FAS: variants seen among roughly 807,000 people sequenced by gnomAD.
FAS encodes tumor necrosis factor receptor superfamily member 6.
FAS carries 5 observed loss-of-function variants against 33.2 expected under a neutral mutation model. The observed-to-expected ratio is 0.15, with a 90% confidence interval of 0.08 to 0.32. The LOEUF (loss-of-function observed/expected upper bound fraction) is 0.32, where lower values mean the gene tolerates loss of function less well. FAS is among the 10% of genes least tolerant of loss of function. The probability of loss-of-function intolerance (pLI) is 1.00; values close to 1 mark genes in which losing one functional copy is unlikely to be tolerated. For synonymous variants in FAS, 131 were observed against 130.7 expected (o/e 1.00, Z -0.01); for missense variants, 339 against 386.0 (o/e 0.88, Z 1.02).
upstream of FAS, among the ~76,000 whole-genome samples, chr10:88,983,638 AACAC>A (rs755182708): frequency 0.067 from 6,889 of 102,434 alleles, 274 homozygotes; most frequent in Non-Finnish European, 0.092. Flanking sequence ...AAAAAAAAAA[AACAC>A]ACACACACAC....
upstream of FAS, among the ~76,000 whole-genome samples, chr10:88,987,607 G>A (rs1846942264): frequency 6.6e-6 from 1 of 152,170 alleles, no homozygotes; most frequent in Non-Finnish European, 1.5e-5. Flanking sequence ...AAAAGAAAGG[G>A]TTTGTGTCCC....
intron 1 of FAS, among the ~76,000 whole-genome samples, chr10:88,972,090 G>A (rs1287805191): frequency 6.6e-6 from 1 of 151,828 alleles, no homozygotes. Context: ...TGTATTTTTA[G>A]TAGAGACAGG....
At chr10:89,003,468 A>T (rs1196862304) in intron 2 of FAS, among the ~76,000 whole-genome samples, 3 of 152,226 alleles carry the variant, frequency 2.0e-5, no homozygotes, top group Non-Finnish European at 4.4e-5. Flanking sequence ...TTTCTAAGCA[A>T]AAATGACTCA....
At chr10:88,974,161 T>C (rs1846512037) in intron 2 of FAS, 1 of 152,028 alleles carries the variant, frequency 6.6e-6, no homozygotes, top group Non-Finnish European at 1.5e-5. Flanking sequence ...TCTTAAATTT[T>C]AAAACTAGAA....
At chr10:89,007,966 G>A in intron 3 of FAS, 129 bp downstream of exon 3, 1 of 1,434,640 alleles carries the variant, frequency 7.0e-7, no homozygotes, top group Non-Finnish European at 9.7e-7. Context: ...AGGACAGGTG[G>A]CTAGGGTACC....
Position 88,980,065 on chromosome 10 carries a change from A to T in FAS, n.260+6718A>T, listed in dbSNP as rs115990341. On this transcript the variant is annotated intron_variant and non_coding_transcript_variant, in intron 2 of 3. Transcript: ENST00000688239. ...CGAAAGATAAAGTGGACTTCTTTCC[A>T]CTTGAAATTTTATTTCATTTATTAA... is the stretch of plus-strand genomic sequence containing the variant. Among the ~76,000 whole-genome samples, 654 of 152,356 alleles carry T rather than the reference A, an allele frequency of 4.3e-3. 4 individuals are homozygous for T. The highest frequency in any genetic ancestry group is 0.015 in the African/African-American group (624 of 41,578).
rs151107760 is a variant in FAS at position 88,976,361 on chromosome 10, A to C, written n.260+3014A>C. The stretch of plus-strand genomic sequence containing the variant: ...AACATATAATTAATATATTGATATT[A>C]TCACAAATGCCAGAGTAAACAAGGG... On this transcript the variant is annotated intron_variant and non_coding_transcript_variant, in intron 2 of 3. Transcript: ENST00000688239. Among the ~76,000 whole-genome samples the C allele has an allele frequency of 2.5e-3, 377 of 152,338 alleles. 1 individual carries two copies. Among genetic ancestry groups the C allele is most frequent in the Admixed American group, 4.6e-3 (70 of 15,302 alleles).
At chr10:88,964,817 G>T (rs1199769845) in intron 1 of FAS, among the ~76,000 whole-genome samples, 1 of 152,104 alleles carries the variant, frequency 6.6e-6, no homozygotes, top group East Asian at 1.9e-4. Flanking sequence ...TATTATGAAA[G>T]CATGGTCATT....
upstream of FAS, chr10:88,990,736 A>G (rs773950456): frequency 1.0e-6 from 1 of 980,932 alleles, no homozygotes; most frequent in Non-Finnish European, 1.6e-6. The surrounding 1 kb of genome is among the most constrained non-coding windows in gnomAD (Gnocchi z 4.9). Context: ...CTGGAGCCTC[A>G]GGGGCGGGCA....
At position 89,015,632 on chromosome 10, in the gene FAS, A is replaced by G. The variant is rs1324644874; in HGVS notation, c.*1182A>G. ...GTGAATTTTAAGAAATAATATTTAT[A>G]TTTCTGTAAATGTAAACTGTGAAGA... On this transcript the variant is annotated 3_prime_UTR_variant, in exon 9 of 9. Coordinates refer to ENST00000652046, the MANE Select transcript of FAS (RefSeq NM_000043.6). 3 of 499,754 alleles carry G rather than the reference A, an allele frequency of 6.0e-6. No individual in the cohort carries two copies. Among genetic ancestry groups the G allele is most frequent in the Non-Finnish European group, 7.7e-6 (2 of 261,308 alleles). 31.0% of individuals were successfully genotyped at this position (499,754 alleles called of 1,614,324 possible).
intron 3 of FAS, among the ~76,000 whole-genome samples, chr10:89,008,317 G>C (rs1254478256): frequency 1.3e-5 from 2 of 152,196 alleles, no homozygotes; most frequent in African/African-American, 4.8e-5. Context: ...TAAGGACCCA[G>C]ATTGAAGTAT....
intron 1 of FAS, among the ~76,000 whole-genome samples, chr10:88,996,299 G>A (rs755494230): frequency 6.6e-6 from 1 of 151,654 alleles, no homozygotes; most frequent in Non-Finnish European, 1.5e-5. Flanking sequence ...GTGAATGTCT[G>A]TAAGGTTTCA....
intron 1 of FAS, among the ~76,000 whole-genome samples, chr10:88,994,185 A>G (rs947077431): frequency 2.0e-5 from 3 of 152,168 alleles, no homozygotes; most frequent in Non-Finnish European, 4.4e-5. Context: ...TTTCAAAGGA[A>G]TCTCTTTGAA....
chr10:88,982,684 G>GA (rs1846740721), upstream of FAS, among the ~76,000 whole-genome samples: 1 of 152,088 alleles, frequency 6.6e-6, no homozygotes, highest in South Asian at 2.1e-4. Flanking sequence ...TTCTTGATAG[G>GA]AAAATGTATT....
chr10:89,007,574 T>G (rs1218037603), intron 2 of FAS, 126 bp from the exon 3 acceptor site: 2 of 1,256,296 alleles, frequency 1.6e-6, no homozygotes, highest in Admixed American at 4.1e-5. Flanking sequence ...TATTTATATC[T>G]CATTAGCCTA....
At chr10:88,995,569 C>CCAG (rs574326928) in intron 1 of FAS, among the ~76,000 whole-genome samples, 16 of 152,082 alleles carry the variant, frequency 1.1e-4, no homozygotes, top group Non-Finnish European at 2.2e-4. Flanking sequence ...CACCTGTCAC[C>CCAG]CAGCACTTCA....
exon 2 of FAS, chr10:88,973,278 A>G (rs767473384): frequency 6.8e-5 from 109 of 1,612,102 alleles, no homozygotes; most frequent in Non-Finnish European, 8.7e-5. Flanking sequence ...ACTCTTGGGG[A>G]TCTCTAGGTC....
At chr10:89,004,689 T>G (rs1391922349) in intron 2 of FAS, among the ~76,000 whole-genome samples, 1 of 152,198 alleles carries the variant, frequency 6.6e-6, no homozygotes, top group Non-Finnish European at 1.5e-5. Context: ...ATAGTATGTA[T>G]CAAAGTCATG....
At position 89,003,076 on chromosome 10, in the gene FAS, A is replaced by G. The variant is rs746017530; in HGVS notation, c.78A>G (p.Gln26=). 1.2e-5 allele frequency: 19 copies of G among 1,614,022 alleles called. No homozygotes were observed. In the East Asian group the frequency reaches 3.8e-4, roughly 32 times the overall value. Residue 26 remains glutamine (Q), a synonymous_variant, in exon 2 of 9, where the codon CAA becomes CAG. Transcript: ENST00000652046. ...TATCGTCCAAAAGTGTTAATGCCCA[A>G]GTGACTGACATCAACTCCAAGGGAT... ...ARLSSKSVNA[Q]VTDINSKGLE...
Sources: gnomAD v4.1 joint callset for allele counts (sites outside exome capture counted in the v4.1 genomes callset) on GRCh38, gnomAD v4.1.1 for gene constraint, Gnocchi (gnomAD v3.1) non-coding constraint, MANE v1.5 for transcripts, NCBI Gene and HGNC (gene_info 2026-07-23, HGNC 2026-07-21) for gene names.